SLC4A5: variants seen among roughly 807,000 people sequenced by gnomAD.
The protein encoded by SLC4A5 is solute carrier family 4 member 5.
Under a neutral mutation model 120.4 loss-of-function variants are expected in SLC4A5, and 96 were observed. The observed-to-expected ratio is 0.80, with a 90% confidence interval of 0.68 to 0.94. The LOEUF is 0.94. Among genes scored for constraint, SLC4A5 ranks in the 40% least tolerant of loss-of-function variants. The probability of loss-of-function intolerance (pLI) is 0.00; values close to 1 mark genes in which losing one functional copy is unlikely to be tolerated. For missense variants in SLC4A5, 1,259 were observed against 1,459.5 expected (o/e 0.86, Z 2.24); for synonymous variants, 550 against 571.1 (o/e 0.96, Z 0.53).
chr2:74,332,098 C>T (rs888471826), intron 4 of SLC4A5, among the ~76,000 whole-genome samples: 1 of 152,176 alleles, frequency 6.6e-6, no homozygotes, highest in East Asian at 1.9e-4. Context: ...TCAGCTTTAG[C>T]TGTCATAAAT....
At chr2:74,333,391 T>C (rs1673409042) in intron 4 of SLC4A5, among the ~76,000 whole-genome samples, 1 of 152,148 alleles carries the variant, frequency 6.6e-6, no homozygotes, top group South Asian at 2.1e-4. Context: ...GAGCTAAAGA[T>C]TCTTAGTACA....
At chr2:74,340,031 G>A (rs1673588369) in intron 2 of SLC4A5, among the ~76,000 whole-genome samples, 1 of 152,172 alleles carries the variant, frequency 6.6e-6, no homozygotes, top group Non-Finnish European at 1.5e-5. Context: ...ACCAGGGCCT[G>A]GGGCAGTGAG....
intron 5 of SLC4A5, among the ~76,000 whole-genome samples, chr2:74,326,536 C>T (rs13021268): frequency 0.022 from 3,382 of 152,308 alleles, 53 homozygotes; most frequent in Non-Finnish European, 0.032. Context: ...AAATCAACAC[C>T]TGGGCCACGT....
At chr2:74,233,624 G>A (rs572823418) in intron 22 of SLC4A5, 61 bp from the exon 23 acceptor site, 524 of 1,508,208 alleles carry the variant, frequency 3.5e-4, no homozygotes, top group Middle Eastern at 9.6e-4. Flanking sequence ...GGCACTTGTC[G>A]CCTGGCCTGC....
intron 7 of SLC4A5, among the ~76,000 whole-genome samples, chr2:74,303,936 G>A (rs1351475668): frequency 6.7e-6 from 1 of 148,864 alleles, no homozygotes; most frequent in Non-Finnish European, 1.5e-5. Context: ...TGCAAGCTCC[G>A]CCTCCCGGGT....
rs958357082 is a variant in SLC4A5, at chr2:74,304,721, G to A, written c.80-41C>T. On this transcript the variant is annotated intron_variant, in intron 6 of 30. Transcript: ENST00000394019. ...AAAAGACAGGGGAGGCAGGGTTACT[G>A]AAAATTGGCATTTTTTCATAATATT... 4 of 1,561,872 alleles carry A rather than the reference G, an allele frequency of 2.6e-6. No individual in the cohort carries two copies. In the Admixed American group the frequency reaches 5.8e-5, roughly 23 times the overall value.
chr2:74,341,137 T>C (rs537222823), intron 2 of SLC4A5, among the ~76,000 whole-genome samples: 322 of 152,134 alleles, frequency 2.1e-3, no homozygotes, highest in Non-Finnish European at 3.3e-3. Context: ...AAACCCCATC[T>C]CTACTAAAAA....
chr2:74,319,849 C>T (rs566305544), intron 5 of SLC4A5, among the ~76,000 whole-genome samples: 2 of 152,258 alleles, frequency 1.3e-5, no homozygotes, highest in East Asian at 3.9e-4. Flanking sequence ...TAGAGCTCTC[C>T]TAGAAAGTGG....
chr2:74,275,035 T>C (rs887363994), intron 8 of SLC4A5, among the ~76,000 whole-genome samples: 1 of 152,226 alleles, frequency 6.6e-6, no homozygotes, highest in Non-Finnish European at 1.5e-5. Flanking sequence ...CATGGCTGAC[T>C]GATTCCCTTT....
At chr2:74,314,854 A>T in intron 6 of SLC4A5, 91 bp downstream of exon 6, 1 of 1,204,214 alleles carries the variant, frequency 8.3e-7, no homozygotes, top group Non-Finnish European at 1.2e-6. Context: ...CCTGCTCCCT[A>T]GACTCTCCTG....
At chr2:74,323,768 A>T (rs376870218) in intron 5 of SLC4A5, among the ~76,000 whole-genome samples, 1 of 152,256 alleles carries the variant, frequency 6.6e-6, no homozygotes, top group Non-Finnish European at 1.5e-5. Flanking sequence ...TGAATGAACT[A>T]AAAATGGTGA....
intron 7 of SLC4A5, among the ~76,000 whole-genome samples, chr2:74,297,262 T>TACCATGC (rs1427382417): frequency 6.6e-6 from 1 of 152,232 alleles, no homozygotes; most frequent in Non-Finnish European, 1.5e-5. Flanking sequence ...GTTAAGTGCC[T>TACCATGC]ACCATGCACC....
At chr2:74,252,822 AAGTGATCCACCTGCCTC>A in intron 15 of SLC4A5, 135 bp downstream of exon 15, 2 of 916,882 alleles carry the variant, frequency 2.2e-6, no homozygotes, top group East Asian at 5.2e-5. Context: ...TCCTGGGCTC[AAGTGATCCACCTGCCTC>A]AGCATCCCAA....
chr2:74,229,462 G>T (rs1405732983), intron 25 of SLC4A5, among the ~76,000 whole-genome samples: 1 of 151,916 alleles, frequency 6.6e-6, no homozygotes, highest in Admixed American at 6.6e-5. Context: ...CACCATGTTG[G>T]CCAGGCTGGT....
intron 24 of SLC4A5, among the ~76,000 whole-genome samples, chr2:74,231,611 G>T (rs1670087047): frequency 6.6e-6 from 1 of 152,252 alleles, no homozygotes; most frequent in Admixed American, 6.5e-5. Flanking sequence ...CCACTTGCTA[G>T]TTATGTGGCA....
intron 5 of SLC4A5, among the ~76,000 whole-genome samples, chr2:74,325,428 G>A (rs1279468709): frequency 6.6e-6 from 1 of 152,170 alleles, no homozygotes; most frequent in African/African-American, 2.4e-5. Flanking sequence ...CTTGAGAGAA[G>A]CTCCCTCCCA....
At position 74,265,275 on chromosome 2, in the gene SLC4A5, A is replaced by G; in HGVS notation, c.402-11T>C. 1 of 1,613,052 alleles carries G rather than the reference A, an allele frequency of 6.2e-7. No individual in the cohort carries two copies. The highest frequency in any genetic ancestry group is 8.5e-7 in the Non-Finnish European group (1 of 1,179,344). Reference sequence around the variant, plus strand: ...TCAAACTTTATCCACCTGGAAGGGTAAGGATGGGGCTCAGTGTGGCCAGGG... The same window carrying G: ...TCAAACTTTATCCACCTGGAAGGGTGAGGATGGGGCTCAGTGTGGCCAGGG... On this transcript the variant is annotated splice_polypyrimidine_tract_variant and intron_variant, in intron 8 of 30. Coordinates refer to ENST00000394019, the Ensembl canonical transcript of SLC4A5.
At position 74,285,802 on chromosome 2, in the gene SLC4A5, T is replaced by A. The variant is rs535358310; in HGVS notation, c.372A>T (p.Gly124=). Reference sequence around the variant, plus strand: ...CTGACTCCTTCCACTCCATCTGGTCTCCGTCATGCTGCAGAGTATCCATCT... The same window carrying A: ...CTGACTCCTTCCACTCCATCTGGTCACCGTCATGCTGCAGAGTATCCATCT... Residue 124 remains glycine (G), a synonymous_variant, in exon 8 of 31, where the codon GGA becomes GGT. Transcript: ENST00000394019. The A allele has an allele frequency of 2.5e-6, 4 of 1,611,976 alleles. No homozygotes were observed. In the African/African-American group the frequency reaches 5.3e-5, roughly 21 times the overall value.
At chr2:74,264,602 T>C (rs1671244178) in intron 9 of SLC4A5, among the ~76,000 whole-genome samples, 1 of 152,068 alleles carries the variant, frequency 6.6e-6, no homozygotes, top group Non-Finnish European at 1.5e-5. Flanking sequence ...AAAAGTACTG[T>C]GTTCAATGGT....
Sources: allele counts gnomAD v4.1 joint callset (sites outside exome capture counted in the v4.1 genomes callset), GRCh38; gene constraint gnomAD v4.1.1; transcripts MANE v1.5; gene names NCBI Gene and HGNC (gene_info 2026-07-23, HGNC 2026-07-21).